FHOD3: variants seen among roughly 807,000 people sequenced by gnomAD.
FHOD3 encodes formin homology 2 domain containing 3.
In FHOD3, 90 loss-of-function variants were observed where a neutral mutation model predicts 173.0. The observed-to-expected ratio is 0.52, with a 90% CI of 0.44 to 0.62. The LOEUF (loss-of-function observed/expected upper bound fraction) is 0.62, where lower values mean the gene tolerates loss of function less well. Ranked by LOEUF, FHOD3 falls within the 20% of genes least tolerant of loss-of-function variation. The probability of loss-of-function intolerance (pLI) is 0.00; values close to 1 mark genes in which losing one functional copy is unlikely to be tolerated. For synonymous variants in FHOD3, 828 were observed against 823.0 expected, an observed-to-expected ratio of 1.01 and a Z score of -0.10; for missense variants, 1,945 against 2,034.7, an observed-to-expected ratio of 0.96 and a Z score of 0.85.
intron 17 of FHOD3, among the ~76,000 whole-genome samples, chr18:36,699,066 C>A (rs984907794): frequency 6.6e-6 from 1 of 152,202 alleles, no homozygotes; most frequent in African/African-American, 2.4e-5. Context: ...ACCCTGTCTT[C>A]TAAGGCTCCT....
rs182860283 is a variant in FHOD3 at position 36,746,336 on chromosome 18, G to T, written c.4042-609G>T. 1.2e-3 allele frequency among the ~76,000 whole-genome samples: 184 copies of T among 152,330 alleles called. 4 individuals carry two copies. In the East Asian group the frequency reaches 0.023, roughly 19 times the overall value. On this transcript the variant is annotated intron_variant, in intron 23 of 28. Coordinates refer to ENST00000590592, the MANE Select transcript of FHOD3 (RefSeq NM_001281740.3). The stretch of plus-strand genomic sequence containing the variant: ...CTGTGGGTACAGTTAGCCTCCTTGA[G>T]AACAGGAAGTTGTCTTATTCAGCAT...
chr18:36,309,805 A>G (rs1457851242), intron 1 of FHOD3, among the ~76,000 whole-genome samples: 1 of 152,220 alleles, frequency 6.6e-6, no homozygotes, highest in Non-Finnish European at 1.5e-5. Context: ...TTTTGTGGAC[A>G]GTGATTCATT....
chr18:36,466,700 AT>A (rs1023932478), intron 3 of FHOD3, among the ~76,000 whole-genome samples: 29 of 152,306 alleles, frequency 1.9e-4, no homozygotes, highest in African/African-American at 6.0e-4. Context: ...TCAGGAAGAA[AT>A]TTAGAATAAG....
intron 13 of FHOD3, among the ~76,000 whole-genome samples, chr18:36,654,728 CG>C (rs1354391560): frequency 6.6e-5 from 10 of 152,244 alleles, no homozygotes; most frequent in Admixed American, 6.5e-4. Flanking sequence ...AATAAAGCTC[CG>C]TCTTCTCCCT....
chr18:36,591,040 C>T (rs1015397330), intron 6 of FHOD3, among the ~76,000 whole-genome samples: 15 of 152,110 alleles, frequency 9.9e-5, no homozygotes, highest in African/African-American at 3.6e-4. Context: ...AATAGTCCAC[C>T]CACTGAGGAA....
At chr18:36,316,435 T>C (rs907616712) in intron 1 of FHOD3, among the ~76,000 whole-genome samples, 147 of 152,348 alleles carry the variant, frequency 9.6e-4, no homozygotes, top group African/African-American at 3.2e-3. Flanking sequence ...GCCCAAATTC[T>C]ACTGCATGAG....
At chr18:36,464,631 G>A (rs1404117680) in intron 3 of FHOD3, among the ~76,000 whole-genome samples, 3 of 152,154 alleles carry the variant, frequency 2.0e-5, no homozygotes, top group African/African-American at 7.2e-5. Context: ...TACAGAAGGG[G>A]AAAGGATCTG....
At chr18:36,557,691 C>A (rs1052283014) in intron 5 of FHOD3, among the ~76,000 whole-genome samples, 4 of 151,900 alleles carry the variant, frequency 2.6e-5, no homozygotes, top group African/African-American at 9.7e-5. Flanking sequence ...GTACTTATTG[C>A]ATGCTGATAT....
rs114056861 is a variant in FHOD3, at chr18:36,582,789, T to C, written c.606+6244T>C. On this transcript the variant is annotated intron_variant, in intron 6 of 28. Transcript: ENST00000590592. ...ATTCTTCCACAAATCCCACCTCTGATATATTACATCTTTTAGCAGCAGCCT... is the reference window on the plus strand; with the variant it reads ...ATTCTTCCACAAATCCCACCTCTGACATATTACATCTTTTAGCAGCAGCCT... 6.5e-3 allele frequency among the ~76,000 whole-genome samples: 987 copies of C among 152,350 alleles called. 12 individuals carry two copies. The highest frequency in any genetic ancestry group is 0.023 in the African/African-American group (948 of 41,570).
At chr18:36,400,517 A>C (rs1455032693) in intron 3 of FHOD3, among the ~76,000 whole-genome samples, 1 of 152,146 alleles carries the variant, frequency 6.6e-6, no homozygotes, top group Non-Finnish European at 1.5e-5. Context: ...CCCAGACCCC[A>C]CCCAGAGGCT....
chr18:36,439,095 G>GA (rs565510928), intron 3 of FHOD3, among the ~76,000 whole-genome samples: 45 of 151,566 alleles, frequency 3.0e-4, no homozygotes, highest in Admixed American at 1.4e-3. Flanking sequence ...TGCTAAATGG[G>GA]AAAAAAAACA....
At chr18:36,330,160 T>C (rs575622489) in intron 1 of FHOD3, among the ~76,000 whole-genome samples, 26 of 152,126 alleles carry the variant, frequency 1.7e-4, no homozygotes, top group Admixed American at 2.0e-4. Context: ...ACCTATTAGT[T>C]TTTCTAAAAT....
intron 1 of FHOD3, among the ~76,000 whole-genome samples, chr18:36,340,647 T>C (rs12970665): frequency 3.7e-4 from 12 of 32,542 alleles, no homozygotes; most frequent in Non-Finnish European, 1.6e-3. Flanking sequence ...TTTTTTTTTC[T>C]TTTTTTTCAG....
chr18:36,581,672 G>A (rs1013685154), intron 6 of FHOD3, among the ~76,000 whole-genome samples: 10 of 152,150 alleles, frequency 6.6e-5, no homozygotes, highest in Non-Finnish European at 1.3e-4. Context: ...CTCCTTGCAC[G>A]CACGTACACA....
chr18:36,734,042 G>A (rs1486555585), intron 20 of FHOD3, among the ~76,000 whole-genome samples: 1 of 152,074 alleles, frequency 6.6e-6, no homozygotes, highest in Non-Finnish European at 1.5e-5. Context: ...AGGGGAGGGA[G>A]AGACATGTAT....
At chr18:36,417,011 TACAC>T (rs1453036103) in intron 3 of FHOD3, among the ~76,000 whole-genome samples, 1 of 146,760 alleles carries the variant, frequency 6.8e-6, no homozygotes, top group Admixed American at 6.7e-5. Flanking sequence ...TATATACACA[TACAC>T]ACACGTACAT....
chr18:36,728,521 A>G (rs540706095), intron 19 of FHOD3, among the ~76,000 whole-genome samples: 1 of 151,334 alleles, frequency 6.6e-6, no homozygotes, highest in South Asian at 2.1e-4. Context: ...TGACAACTCT[A>G]CCCACAGGAA....
chr18:36,745,574 C>T (rs2042111630), intron 23 of FHOD3, among the ~76,000 whole-genome samples: 1 of 152,104 alleles, frequency 6.6e-6, no homozygotes, highest in Non-Finnish European at 1.5e-5. Flanking sequence ...TAAGGGTGGG[C>T]CTGGAGGTCT....
chr18:36,663,373 G>A (rs2036941156), intron 14 of FHOD3, among the ~76,000 whole-genome samples: 1 of 152,162 alleles, frequency 6.6e-6, no homozygotes, highest in Non-Finnish European at 1.5e-5. Context: ...CCCTCTTCCT[G>A]CTGTCAGCCT....
Sources: gnomAD v4.1 joint callset for allele counts (sites outside exome capture counted in the v4.1 genomes callset) on GRCh38, gnomAD v4.1.1 for gene constraint, MANE v1.5 for transcripts, NCBI Gene and HGNC (gene_info 2026-07-23, HGNC 2026-07-21) for gene names.